PCDHGB2: variants seen among roughly 807,000 people sequenced by gnomAD.
The protein encoded by PCDHGB2 is protocadherin gamma-B2.
A neutral mutation model predicts 59.3 loss-of-function variants in PCDHGB2; 55 were observed. That is an observed-to-expected ratio of 0.93 (90% CI 0.75 to 1.16). The LOEUF (loss-of-function observed/expected upper bound fraction) is 1.16, where lower values mean the gene tolerates loss of function less well. Among genes scored for constraint, PCDHGB2 ranks in the 50% most tolerant of loss-of-function variants. PCDHGB2 has a pLI of 0.00. For missense variants in PCDHGB2, 1,228 were observed against 1,198.5 expected (o/e 1.02, Z -0.36); for synonymous variants, 516 against 512.0 (o/e 1.01, Z -0.11).
intron 1 of PCDHGB2, chr5:141,478,713 G>A (rs745990290): frequency 1.9e-6 from 3 of 1,546,642 alleles, no homozygotes; most frequent in African/African-American, 2.7e-5. Context: ...TTGTGAGATG[G>A]TGGCCTGCCA....
At chr5:141,370,453 T>G in intron 1 of PCDHGB2, 1 of 1,611,650 alleles carries the variant, frequency 6.2e-7, no homozygotes, top group Non-Finnish European at 8.5e-7. Flanking sequence ...CTATTTCTCT[T>G]CCTGCTCTCT....
At chr5:141,385,591 T>C in intron 1 of PCDHGB2, 3 of 1,245,038 alleles carry the variant, frequency 2.4e-6, no homozygotes, top group Non-Finnish European at 3.0e-6. Context: ...TGTTCCAACC[T>C]ACTTTCTTAA....
At chr5:141,415,476 G>C in intron 1 of PCDHGB2, 1 of 1,614,194 alleles carries the variant, frequency 6.2e-7, no homozygotes, top group Non-Finnish European at 8.5e-7. Context: ...CCGCGGACTC[G>C]CGAAAGAGTC....
chr5:141,412,987 A>C lies in PCDHGB2; in HGVS notation c.2421+50431A>C, dbSNP rs192699644. Reference sequence around the variant, plus strand: ...AGGAGAGAAAACGCAGCCAGAGCTCAATCCGGATTCTCAGGGCTTCAACTA... The same window carrying C: ...AGGAGAGAAAACGCAGCCAGAGCTCCATCCGGATTCTCAGGGCTTCAACTA... On this transcript the variant is annotated intron_variant, in intron 1 of 3. Transcript: ENST00000522605. The C allele has an allele frequency of 5.3e-6, 3 of 564,534 alleles. No homozygotes were observed. In the African/African-American group the frequency reaches 5.7e-5, roughly 11 times the overall value. The allele number at this position is 564,534 out of a possible 1,614,324, so 35.0% of individuals were successfully genotyped here.
Position 141,360,708 on chromosome 5 carries a change from T to A in PCDHGB2, c.573T>A (p.Tyr191Ter). Residue 191 changes from tyrosine to a stop codon, truncating the protein, a stop_gained, in exon 1 of 4, where the codon TAT becomes TAA. Transcript: ENST00000522605. LOFTEE classifies it high-confidence loss of function. The part of the protein sequence containing the change: ...AEKQTPDGRK[Y>*]PELILKHSLD... Reference sequence around the variant, plus strand: ...AACAGACTCCAGATGGTCGTAAATATCCTGAGTTGATTCTAAAACACTCTC... The same window carrying A: ...AACAGACTCCAGATGGTCGTAAATAACCTGAGTTGATTCTAAAACACTCTC... 6.2e-7 allele frequency: 1 copy of A among 1,613,948 alleles called. No homozygotes were observed. The highest frequency in any genetic ancestry group is 8.5e-7 in the Non-Finnish European group (1 of 1,179,888).
intron 1 of PCDHGB2, chr5:141,395,944 C>G (rs1218959085): frequency 6.6e-6 from 1 of 151,840 alleles, no homozygotes; most frequent in East Asian, 1.9e-4. Context: ...CATTGCTCCC[C>G]CAAACAAAAA....
chr5:141,393,450 A>G, intron 1 of PCDHGB2: 1 of 1,614,028 alleles, frequency 6.2e-7, no homozygotes, highest in Non-Finnish European at 8.5e-7. Context: ...CCTGGTCCTC[A>G]CGGCCTCGGA....
intron 1 of PCDHGB2, chr5:141,427,864 A>G: frequency 6.4e-7 from 1 of 1,557,574 alleles, no homozygotes; most frequent in Non-Finnish European, 8.8e-7. Flanking sequence ...TGCGCCTTCG[A>G]GCTCACGATG....
At chr5:141,394,199 A>T (rs1353569032) in intron 1 of PCDHGB2, 1 of 1,613,840 alleles carries the variant, frequency 6.2e-7, no homozygotes, top group Non-Finnish European at 8.5e-7. Context: ...CGTATATCCT[A>T]GAGAACAACC....
At chr5:141,401,098 C>T (rs1589430206) in intron 1 of PCDHGB2, among the ~76,000 whole-genome samples, 1 of 152,110 alleles carries the variant, frequency 6.6e-6, no homozygotes, top group East Asian at 1.9e-4. Context: ...AATCCCAGCA[C>T]TTTGGGAGGC....
chr5:141,365,268 G>A (rs1329659479), intron 1 of PCDHGB2: 2 of 1,613,874 alleles, frequency 1.2e-6, no homozygotes, highest in Non-Finnish European at 1.7e-6. Flanking sequence ...GAAGAATCCA[G>A]ATTCTACCTC....
chr5:141,439,354 C>G (rs746525653), intron 1 of PCDHGB2, among the ~76,000 whole-genome samples: 7 of 152,186 alleles, frequency 4.6e-5, no homozygotes, highest in Admixed American at 4.6e-4. Context: ...TACAAATACT[C>G]AAACATCAAG....
At chr5:141,423,470 A>C (rs904433654) in intron 1 of PCDHGB2, 54 of 1,613,884 alleles carry the variant, frequency 3.3e-5, no homozygotes, top group Non-Finnish European at 4.3e-5. Context: ...GACGGGGTAC[A>C]GGCTTTCCTG....
Position 141,486,335 on chromosome 5 carries a change from C to T in PCDHGB2, c.2422-8472C>T, listed in dbSNP as rs762408704. ...AGGGTCAAACGGAGATGTGAGCCTC[C>T]GCATTCCTGACCACTTGCCATTTGC... On this transcript the variant is annotated intron_variant, in intron 1 of 3. Transcript: ENST00000522605. The surrounding 1 kb of genome is among the most constrained non-coding windows in gnomAD (Gnocchi z 5.0). 6.2e-6 allele frequency: 10 copies of T among 1,613,936 alleles called. No individual in the cohort carries two copies. Among genetic ancestry groups the T allele is most frequent in the Middle Eastern group, 1.6e-4 (1 of 6,082 alleles).
At chr5:141,375,315 A>T (rs372335399) in intron 1 of PCDHGB2, 6 of 1,613,674 alleles carry the variant, frequency 3.7e-6, no homozygotes, top group Non-Finnish European at 5.1e-6. Flanking sequence ...GCAGCTCTAG[A>T]CCGGGAAGAG....
intron 1 of PCDHGB2, chr5:141,378,251 G>A (rs780385993): frequency 6.6e-6 from 1 of 152,234 alleles, no homozygotes; most frequent in Non-Finnish European, 1.5e-5. Flanking sequence ...ATGGCCGGGT[G>A]CGGTGGCTCA....
chr5:141,364,722 C>G lies in PCDHGB2; in HGVS notation c.2421+2166C>G, dbSNP rs779536020. The G allele has an allele frequency of 8.1e-6, 13 of 1,613,884 alleles. No individual in the cohort carries two copies. The South Asian group carries it at 1.4e-4, about 18-fold the overall frequency. ...ATAATCGATATTAATGATAACTTCC[C>G]GCGTTTCCGGGATGAAGAGTTAAAA... is the stretch of plus-strand genomic sequence containing the variant. On this transcript the variant is annotated intron_variant, in intron 1 of 3. Transcript: ENST00000522605.
chr5:141,507,901 G>T (rs1332204823), intron 3 of PCDHGB2, among the ~76,000 whole-genome samples: 1 of 152,216 alleles, frequency 6.6e-6, no homozygotes, highest in Non-Finnish European at 1.5e-5. Flanking sequence ...CTGAAGTCCA[G>T]CCCAGCCAGG....
chr5:141,395,119 T>C, intron 1 of PCDHGB2: 1 of 1,614,182 alleles, frequency 6.2e-7, no homozygotes. Flanking sequence ...AGTCACCTGA[T>C]CTTTCCCCAG....
Sources: gnomAD v4.1 joint callset for allele counts (sites outside exome capture counted in the v4.1 genomes callset) on GRCh38, gnomAD v4.1.1 for gene constraint, Gnocchi (gnomAD v3.1) non-coding constraint, MANE v1.5 for transcripts, NCBI Gene and HGNC (gene_info 2026-07-23, HGNC 2026-07-21) for gene names.